Variants in LMCD1 observed in about 807,000 individuals in gnomAD.
LMCD1 encodes the protein LIM and cysteine rich domains 1.
LMCD1 carries 32 observed loss-of-function variants against 42.7 expected under a neutral mutation model. The observed-to-expected ratio is 0.75, with a 90% CI of 0.57 to 1.01. The LOEUF (loss-of-function observed/expected upper bound fraction) is 1.01, where lower values mean the gene tolerates loss of function less well. Among genes scored for constraint, LMCD1 ranks in the 50% least tolerant of loss-of-function variants. LMCD1 has a pLI of 0.00. For synonymous variants in LMCD1, 178 were observed against 184.9 expected, an observed-to-expected ratio of 0.96 and a Z score of 0.30; for missense variants, 458 against 483.1, an observed-to-expected ratio of 0.95 and a Z score of 0.49.
At chr3:8,556,973 T>C (rs1258373571) in intron 4 of LMCD1, among the ~76,000 whole-genome samples, 3 of 152,152 alleles carry the variant, frequency 2.0e-5, no homozygotes, top group African/African-American at 7.2e-5. Flanking sequence ...AACACCAGGC[T>C]AAGGCATTTC....
intron 4 of LMCD1, among the ~76,000 whole-genome samples, chr3:8,562,609 A>G (rs1480773866): frequency 6.6e-6 from 1 of 152,186 alleles, no homozygotes; most frequent in Non-Finnish European, 1.5e-5. Flanking sequence ...ATAAATAGGA[A>G]TGTGGTTGAT....
intron 2 of LMCD1, among the ~76,000 whole-genome samples, chr3:8,534,939 C>T (rs1292598873): frequency 6.6e-6 from 1 of 152,074 alleles, no homozygotes; most frequent in Non-Finnish European, 1.5e-5. Context: ...GATCTGTTAA[C>T]TTTTTTTTGT....
At chr3:8,543,105 C>T (rs1694659664) in intron 3 of LMCD1, among the ~76,000 whole-genome samples, 1 of 152,188 alleles carries the variant, frequency 6.6e-6, no homozygotes. Context: ...CTTCTTTCCA[C>T]TTCTCCGAAA....
chr3:8,559,144 G>A (rs1161286578), intron 4 of LMCD1, among the ~76,000 whole-genome samples: 1 of 152,122 alleles, frequency 6.6e-6, no homozygotes, highest in Non-Finnish European at 1.5e-5. Context: ...CTCTGGCCTT[G>A]CACAAATGGA....
chr3:8,561,268 A>T (rs913871386), intron 4 of LMCD1, among the ~76,000 whole-genome samples: 1 of 152,224 alleles, frequency 6.6e-6, no homozygotes, highest in African/African-American at 2.4e-5. Flanking sequence ...AGGAGATGTG[A>T]GCCAAGAGCC....
In LMCD1 at chr3:8,567,395, A is replaced by G. The variant is rs11924197; in HGVS notation, c.940-45A>G. ...TGTCCTAGATATACCGTCTCTACCT[A>G]GGGACAGAAACTGAGTCATGCATTT... On this transcript the variant is annotated intron_variant, in intron 5 of 5. Transcript: ENST00000157600. The G allele has an allele frequency of 2.8e-3, 4,498 of 1,598,658 alleles. 120 individuals are homozygous for G. In the African/African-American group the frequency reaches 0.053, roughly 19 times the overall value.
intron 1 of LMCD1, among the ~76,000 whole-genome samples, chr3:8,509,550 T>C (rs556926058): frequency 5.9e-5 from 9 of 152,186 alleles, no homozygotes; most frequent in Non-Finnish European, 1.3e-4. Context: ...TACATGACAA[T>C]GAATAGGAAA....
chr3:8,520,054 G>A (rs145380654), intron 1 of LMCD1, among the ~76,000 whole-genome samples: 295 of 152,206 alleles, frequency 1.9e-3, no homozygotes, highest in Middle Eastern at 0.017. Flanking sequence ...AGTGCTGTAC[G>A]TTTATACAAC....
intron 3 of LMCD1, among the ~76,000 whole-genome samples, chr3:8,544,262 A>G (rs564718961): frequency 5.3e-5 from 8 of 152,286 alleles, no homozygotes; most frequent in African/African-American, 1.9e-4. Context: ...GAGGCCCAGG[A>G]GATACTTTCT....
chr3:8,562,395 CCT>C (rs1034704354), intron 4 of LMCD1, among the ~76,000 whole-genome samples: 3 of 152,170 alleles, frequency 2.0e-5, no homozygotes, highest in Non-Finnish European at 4.4e-5. Context: ...CAGACAATTC[CCT>C]GAGTTTAGTC....
In LMCD1 at chr3:8,548,762, C is replaced by T. The variant is rs1300255380; in HGVS notation, c.582C>T (p.Leu194=). ...EFVKQYKSEA[L]GVGEVALPGQ... ...TCAAGCAATATAAGAGCGAGGCCCTCGGCGTGGGAGAAGTGGCCCTCCCGG... is the reference window on the plus strand; with the variant it reads ...TCAAGCAATATAAGAGCGAGGCCCTTGGCGTGGGAGAAGTGGCCCTCCCGG... Residue 194 remains leucine, a synonymous_variant, in exon 4 of 6, where the codon CTC becomes CTT. Coordinates refer to ENST00000157600, the MANE Select transcript of LMCD1 (RefSeq NM_014583.4). 5.0e-6 allele frequency: 8 copies of T among 1,613,158 alleles called. No homozygotes were observed. The highest frequency in any genetic ancestry group is 2.2e-5 in the South Asian group (2 of 91,004).
chr3:8,553,402 T>G (rs528187674), intron 4 of LMCD1, among the ~76,000 whole-genome samples: 103 of 152,332 alleles, frequency 6.8e-4, no homozygotes, highest in African/African-American at 2.4e-3. Context: ...AGAAGCGTTA[T>G]TGCAAAAATG....
At chr3:8,517,657 T>A (rs890527961) in intron 1 of LMCD1, among the ~76,000 whole-genome samples, 1 of 152,254 alleles carries the variant, frequency 6.6e-6, no homozygotes, top group Admixed American at 6.5e-5. Context: ...CTCCTTCTGA[T>A]GCTAAAACGC....
rs143170239 is a variant in LMCD1, at chr3:8,537,049, G to A, written c.132-136G>A. The A allele has an allele frequency of 2.4e-3, 2,277 of 950,392 alleles. 4 individuals carry two copies. Among genetic ancestry groups the A allele is most frequent in the Non-Finnish European group, 3.1e-3 (2,020 of 644,104 alleles). 58.9% of individuals were successfully genotyped at this position (950,392 alleles called of 1,614,324 possible). ...AATTCCAAAGGCCTTTTTGTCTCAG[G>A]TTACCATTTGTCCGCTGCTAGTTTT... On this transcript the variant is annotated intron_variant, in intron 2 of 5. Transcript: ENST00000157600.
intron 1 of LMCD1, among the ~76,000 whole-genome samples, chr3:8,526,532 G>C (rs1405204925): frequency 2.0e-5 from 3 of 152,142 alleles, no homozygotes; most frequent in Non-Finnish European, 2.9e-5. Flanking sequence ...ATGCAACCTA[G>C]AGGCACTAAC....
At position 8,503,802 on chromosome 3, in the gene LMCD1, T is replaced by C. The variant is rs372506342; in HGVS notation, c.42+1822T>C. 2.3e-4 allele frequency among the ~76,000 whole-genome samples: 35 copies of C among 152,354 alleles called. 3 individuals are homozygous for C. The highest frequency in any genetic ancestry group is 1.0e-3 in the Admixed American group (16 of 15,306). On this transcript the variant is annotated intron_variant, in intron 1 of 5. Coordinates refer to ENST00000157600, the MANE Select transcript of LMCD1 (RefSeq NM_014583.4). ...CACGGCTAAAGGTGGCAGAGTTCCA[T>C]TGTCCTCTGGAAAGTGAAATGATTC...
chr3:8,504,401 C>G (rs1235764129), intron 1 of LMCD1, among the ~76,000 whole-genome samples: 2 of 152,202 alleles, frequency 1.3e-5, no homozygotes, highest in Admixed American at 1.3e-4. Flanking sequence ...ATTTCATAGA[C>G]TCTTAGAGCT....
At chr3:8,558,180 G>GA (rs1203674781) in intron 4 of LMCD1, among the ~76,000 whole-genome samples, 2 of 152,170 alleles carry the variant, frequency 1.3e-5, no homozygotes, top group Non-Finnish European at 2.9e-5. Context: ...CATATTCATG[G>GA]AAAAGGAATT....
At chr3:8,560,931 T>C (rs540916401) in intron 4 of LMCD1, among the ~76,000 whole-genome samples, 113 of 152,330 alleles carry the variant, frequency 7.4e-4, no homozygotes, top group Non-Finnish European at 1.3e-3. Flanking sequence ...ACACATTCCT[T>C]ATATAGGCAG....
Sources: gnomAD v4.1 joint callset for allele counts (sites outside exome capture counted in the v4.1 genomes callset) on GRCh38, gnomAD v4.1.1 for gene constraint, MANE v1.5 for transcripts, NCBI Gene and HGNC (gene_info 2026-07-23, HGNC 2026-07-21) for gene names.